Variants in ROR2 observed in about 807,000 individuals in gnomAD.
ROR2 encodes the protein ROR family WNT receptor 2, also known as tyrosine-protein kinase transmembrane receptor ROR2.
In ROR2, 33 loss-of-function variants were observed where a neutral mutation model predicts 74.9. The ratio of observed to expected loss-of-function variants is 0.44; its 90% confidence interval spans 0.33 to 0.59. The LOEUF (loss-of-function observed/expected upper bound fraction) is 0.59. Ranked by LOEUF, ROR2 falls within the 20% of genes least tolerant of loss-of-function variation. The pLI is 0.02. For synonymous variants in ROR2, 586 were observed against 558.7 expected (o/e 1.05, Z -0.69); for missense variants, 1,216 against 1,313.8 (o/e 0.93, Z 1.15).
chr9:91,727,819 G>T (rs766391367), intron 7 of ROR2, among the ~76,000 whole-genome samples: 3 of 152,134 alleles, frequency 2.0e-5, no homozygotes, highest in African/African-American at 4.8e-5. Context: ...GAGCTAACTC[G>T]GTTCTAAAAG....
In ROR2 at chr9:91,892,533, T is replaced by A. The variant is rs145553027; in HGVS notation, c.97+57334A>T. On this transcript the variant is annotated intron_variant, in intron 1 of 8. Coordinates refer to ENST00000375708, the MANE Select transcript of ROR2 (RefSeq NM_004560.4). ...ACCAGCACCTGACCTAAGTGTTGGA[T>A]TTTTTTTTTTTATTTTACCTCAGAA... Among the ~76,000 whole-genome samples, 850 of 133,724 alleles carry A rather than the reference T, an allele frequency of 6.4e-3. 10 individuals carry two copies. Among genetic ancestry groups the A allele is most frequent in the African/African-American group, 0.023 (809 of 34,500 alleles). 87.7% of individuals were successfully genotyped at this position (133,724 alleles called of 152,430 possible).
intron 1 of ROR2, among the ~76,000 whole-genome samples, chr9:91,897,358 G>T (rs1201313761): frequency 6.6e-6 from 1 of 152,242 alleles, no homozygotes; most frequent in Non-Finnish European, 1.5e-5. Context: ...TTGTACAGAG[G>T]AAAGAAGGTG....
chr9:91,843,625 T>C (rs1006166879), intron 1 of ROR2, among the ~76,000 whole-genome samples: 2 of 152,202 alleles, frequency 1.3e-5, no homozygotes, highest in Admixed American at 1.3e-4. Flanking sequence ...TAGAAATTAC[T>C]ATATGTCTAG....
chr9:91,735,413 G>C (rs1172533346), intron 5 of ROR2, among the ~76,000 whole-genome samples: 4 of 151,996 alleles, frequency 2.6e-5, no homozygotes, highest in Non-Finnish European at 5.9e-5. Flanking sequence ...ATAAAACCAG[G>C]CTGCTTGGAT....
At chr9:91,725,980 TAAATGCCC>T (rs927780660) in intron 8 of ROR2, among the ~76,000 whole-genome samples, 3 of 152,218 alleles carry the variant, frequency 2.0e-5, no homozygotes, top group African/African-American at 7.2e-5. Context: ...GCAATGAGTG[TAAATGCCC>T]TTTTACAACA....
At chr9:91,826,085 G>A (rs1293241459) in intron 1 of ROR2, among the ~76,000 whole-genome samples, 1 of 152,164 alleles carries the variant, frequency 6.6e-6, no homozygotes, top group Non-Finnish European at 1.5e-5. Context: ...TGGTTTTGTA[G>A]TTAACAGCCC....
chr9:91,939,655 C>G (rs1831796173), intron 1 of ROR2, among the ~76,000 whole-genome samples: 2 of 151,990 alleles, frequency 1.3e-5, no homozygotes, highest in South Asian at 4.2e-4. Context: ...GATGTCAAAG[C>G]CTCCACACCA....
At chr9:91,750,118 T>A (rs1256955033) in intron 4 of ROR2, among the ~76,000 whole-genome samples, 1 of 152,180 alleles carries the variant, frequency 6.6e-6, no homozygotes, top group East Asian at 1.9e-4. Flanking sequence ...GCCAGGCTGG[T>A]CTTGAACTCG....
chr9:91,824,354 G>A (rs1393408154), intron 1 of ROR2, among the ~76,000 whole-genome samples: 2 of 152,200 alleles, frequency 1.3e-5, no homozygotes, highest in African/African-American at 4.8e-5. Flanking sequence ...CTCAGGGTGT[G>A]GCCTTTTGGG....
intron 1 of ROR2, among the ~76,000 whole-genome samples, chr9:91,833,381 G>A (rs1456838444): frequency 6.6e-6 from 1 of 152,106 alleles, no homozygotes; most frequent in Non-Finnish European, 1.5e-5. Context: ...CCTGTATCGT[G>A]ACTCCCAGCT....
At chr9:91,863,699 T>C (rs1401732090) in intron 1 of ROR2, among the ~76,000 whole-genome samples, 5 of 151,676 alleles carry the variant, frequency 3.3e-5, no homozygotes, top group South Asian at 4.2e-4. Context: ...ATGTCCAGAA[T>C]AGGCAAATCC....
chr9:91,909,838 G>GTTTTTTTTTTTTTTTTTTTTTTT (rs1278227036), intron 1 of ROR2, among the ~76,000 whole-genome samples: 2 of 63,198 alleles, frequency 3.2e-5, no homozygotes, highest in African/African-American at 1.3e-4. Flanking sequence ...TTTTTTTTAG[G>GTTTTTTTTTTTTTTTTTTTTTTT]TTTGTTTTGT....
At chr9:91,938,870 T>A (rs1427672953) in intron 1 of ROR2, among the ~76,000 whole-genome samples, 1 of 152,228 alleles carries the variant, frequency 6.6e-6, no homozygotes, top group African/African-American at 2.4e-5. Context: ...CACATAGATG[T>A]TTCCATGTTT....
rs754694476 is a variant in ROR2, at chr9:91,756,084, T to C, written c.481A>G (p.Asn161Asp). Residue 161 changes from asparagine (N) to aspartate (D), a missense_variant, in exon 4 of 9, where the codon AAT (asparagine) becomes GAT (aspartate). Asn to Asp is a conservative substitution (Grantham distance 23). Coordinates refer to ENST00000375708, the MANE Select transcript of ROR2 (RefSeq NM_004560.4). ...ACAGATACTTACTGAAAGTTATGAT[T>C]TGGGCTGTGCGTTGGACCTAAAAAG... ...FVRLGPTHSP[N>D]HNFQDDYHED... The C allele has an allele frequency of 1.9e-6, 3 of 1,614,044 alleles. No individual in the cohort carries two copies. Among genetic ancestry groups the C allele is most frequent in the East Asian group, 4.5e-5 (2 of 44,884 alleles).
At chr9:91,822,588 T>C (rs1196199578) in intron 1 of ROR2, among the ~76,000 whole-genome samples, 1 of 152,232 alleles carries the variant, frequency 6.6e-6, no homozygotes, top group South Asian at 2.1e-4. Flanking sequence ...AATTGTCATT[T>C]TGCAACCTGC....
chr9:91,761,953 T>C (rs1825926543), intron 2 of ROR2, among the ~76,000 whole-genome samples: 1 of 152,194 alleles, frequency 6.6e-6, no homozygotes, highest in African/African-American at 2.4e-5. Flanking sequence ...GACAGGGAGA[T>C]GGATTTGAAG....
intron 1 of ROR2, among the ~76,000 whole-genome samples, chr9:91,869,057 AT>A (rs893228309): frequency 2.5e-4 from 37 of 150,610 alleles, no homozygotes; most frequent in Middle Eastern, 3.4e-3. Flanking sequence ...ACGTGAATAT[AT>A]TTTTTTTTTC....
chr9:91,725,890 G>C (rs1417550590), intron 8 of ROR2, among the ~76,000 whole-genome samples: 1 of 152,188 alleles, frequency 6.6e-6, no homozygotes, highest in Non-Finnish European at 1.5e-5. Context: ...TGGGACTGAA[G>C]AGCCAAGTGC....
At chr9:91,793,684 C>T (rs1016651326) in intron 1 of ROR2, among the ~76,000 whole-genome samples, 1 of 151,318 alleles carries the variant, frequency 6.6e-6, no homozygotes, top group African/African-American at 2.4e-5. Flanking sequence ...ATTGCCTGAA[C>T]CTGGGAGGGG....
Sources: allele counts gnomAD v4.1 joint callset (sites outside exome capture counted in the v4.1 genomes callset), GRCh38; gene constraint gnomAD v4.1.1; transcripts MANE v1.5; gene names NCBI Gene and HGNC (gene_info 2026-07-23, HGNC 2026-07-21).